The following SPMIP2 variants were observed in gnomAD, a reference collection of about 807,000 sequenced individuals.
SPMIP2 encodes protein SPMIP2.
At chr4:158,936,152 A>T in the SPMIP2 span, among the ~76,000 whole-genome samples, 2 of 152,198 alleles carry the variant, frequency 1.3e-5, no homozygotes, top group African/African-American at 4.8e-5. Context: ...TCTGACCCAC[A>T]CCTTCTGGAG....
chr4:158,893,529 ACAC>A, the SPMIP2 span: 2 of 562,746 alleles, frequency 3.6e-6, no homozygotes, highest in Non-Finnish European at 6.4e-6. Flanking sequence ...AAGACTGACA[ACAC>A]CTTTTTTCCA....
chr4:158,954,763 G>A, the SPMIP2 span, among the ~76,000 whole-genome samples: 3 of 152,188 alleles, frequency 2.0e-5, no homozygotes, highest in African/African-American at 7.2e-5. Flanking sequence ...TCTGAAGTTA[G>A]CCTTCATATT....
the SPMIP2 span, among the ~76,000 whole-genome samples, chr4:158,909,110 T>G: frequency 6.6e-6 from 1 of 152,240 alleles, no homozygotes; most frequent in Non-Finnish European, 1.5e-5. Context: ...TGATATAAAT[T>G]GAGTATATTT....
the SPMIP2 span, among the ~76,000 whole-genome samples, chr4:158,983,392 T>C: frequency 6.6e-6 from 1 of 150,570 alleles, no homozygotes; most frequent in Non-Finnish European, 1.5e-5. Context: ...AAGGAAAAAA[T>C]GTTAAGGGCA....
the SPMIP2 span, among the ~76,000 whole-genome samples, chr4:159,019,045 G>A: frequency 0.027 from 4,142 of 152,212 alleles, 184 homozygotes; most frequent in African/African-American, 0.091. Flanking sequence ...AGCCGAGATC[G>A]CGCCACTGGA....
chr4:158,963,809 G>T, the SPMIP2 span, among the ~76,000 whole-genome samples: 1 of 152,240 alleles, frequency 6.6e-6, no homozygotes, highest in East Asian at 1.9e-4. Context: ...TGGCAAAGTG[G>T]ATTTGAAGCA....
At chr4:159,067,690 A>G in the SPMIP2 span, among the ~76,000 whole-genome samples, 1 of 152,252 alleles carries the variant, frequency 6.6e-6, no homozygotes, top group Non-Finnish European at 1.5e-5. Flanking sequence ...GCTTCTGCAC[A>G]GCAAAAGAAA....
the SPMIP2 span, among the ~76,000 whole-genome samples, chr4:159,016,842 C>T: frequency 6.6e-6 from 1 of 152,198 alleles, no homozygotes; most frequent in East Asian, 1.9e-4. Flanking sequence ...CGTTGCTTCC[C>T]ACAATGCATC....
the SPMIP2 span, among the ~76,000 whole-genome samples, chr4:158,962,346 G>A: frequency 6.6e-6 from 1 of 152,112 alleles, no homozygotes; most frequent in Non-Finnish European, 1.5e-5. Flanking sequence ...GGTTTTCTTA[G>A]TATATCCAAT....
chr4:159,035,321 C>T, the SPMIP2 span: 1 of 457,900 alleles, frequency 2.2e-6, no homozygotes, highest in East Asian at 3.2e-5. Context: ...TATAGTCTTC[C>T]CAGAACTTGC....
At chr4:158,945,104 A>G in the SPMIP2 span, among the ~76,000 whole-genome samples, 1 of 152,180 alleles carries the variant, frequency 6.6e-6, no homozygotes, top group African/African-American at 2.4e-5. Context: ...ATCTGGCAGC[A>G]CGCTATGACA....
the SPMIP2 span, among the ~76,000 whole-genome samples, chr4:158,932,749 G>A: frequency 9.9e-5 from 15 of 152,216 alleles, no homozygotes; most frequent in East Asian, 2.9e-3. Context: ...TTGGGTACAG[G>A]GCTTCTCAAA....
chr4:159,082,556 A>T, the SPMIP2 span, among the ~76,000 whole-genome samples: 1 of 151,530 alleles, frequency 6.6e-6, no homozygotes, highest in South Asian at 2.1e-4. Flanking sequence ...AATGGACTGA[A>T]GACTGAGAAT....
chr4:159,028,164 T>A, the SPMIP2 span, among the ~76,000 whole-genome samples: 1 of 152,186 alleles, frequency 6.6e-6, no homozygotes, highest in Non-Finnish European at 1.5e-5. Flanking sequence ...GAACCCTGAG[T>A]ATTCCCATCT....
the SPMIP2 span, among the ~76,000 whole-genome samples, chr4:159,029,842 A>G: frequency 6.6e-6 from 1 of 152,312 alleles, no homozygotes; most frequent in African/African-American, 2.4e-5. Flanking sequence ...TGTATCCTCC[A>G]ATGCTAATGG....
the SPMIP2 span, among the ~76,000 whole-genome samples, chr4:158,921,371 G>A: frequency 9.2e-5 from 14 of 152,126 alleles, no homozygotes; most frequent in African/African-American, 1.4e-4. Flanking sequence ...GAACCCGGGA[G>A]GCAGAGGTTG....
chr4:159,006,028 G>A, the SPMIP2 span, among the ~76,000 whole-genome samples: 1 of 152,192 alleles, frequency 6.6e-6, no homozygotes. Context: ...GCCTCCCAAA[G>A]GCTGGGGTTA....
the SPMIP2 span, among the ~76,000 whole-genome samples, chr4:158,991,019 TCTC>T: frequency 6.6e-6 from 1 of 152,164 alleles, no homozygotes; most frequent in Non-Finnish European, 1.5e-5. Context: ...TTCAAATGAT[TCTC>T]CTGTCTCAAC....
the SPMIP2 span, chr4:158,906,954 T>G: frequency 6.6e-6 from 1 of 152,208 alleles, no homozygotes; most frequent in African/African-American, 2.4e-5. Context: ...TAAAACAATT[T>G]TTTTTAAAAA....
Sources: gnomAD v4.1 joint callset for allele counts (sites outside exome capture counted in the v4.1 genomes callset) on GRCh38, gnomAD v4.1.1 for gene constraint, MANE v1.5 for transcripts, NCBI Gene and HGNC (gene_info 2026-07-23, HGNC 2026-07-21) for gene names.